The following SNAP91 variants were observed in gnomAD, a reference collection of about 807,000 sequenced individuals.
The protein encoded by SNAP91 is synaptosome associated protein 91.
In SNAP91, 27 loss-of-function variants were observed where a neutral mutation model predicts 100.3. That is an observed-to-expected ratio of 0.27 (90% CI 0.20 to 0.37). The LOEUF is 0.37. Ranked by LOEUF, SNAP91 falls within the 10% of genes least tolerant of loss-of-function variation. SNAP91 has a pLI of 1.00. For missense variants in SNAP91, 986 were observed against 1,123.7 expected (o/e 0.88, Z 1.75); for synonymous variants, 404 against 398.6 (o/e 1.01, Z -0.16).
At chr6:83,637,904 C>T (rs573782142) in intron 8 of SNAP91, among the ~76,000 whole-genome samples, 1 of 152,316 alleles carries the variant, frequency 6.6e-6, no homozygotes, top group African/African-American at 2.4e-5. Context: ...CTTCTGGCCC[C>T]TCGGGGTTAA....
At chr6:83,699,289 A>T (rs893802159) in intron 2 of SNAP91, among the ~76,000 whole-genome samples, 1 of 152,220 alleles carries the variant, frequency 6.6e-6, no homozygotes, top group Non-Finnish European at 1.5e-5. Context: ...GTTTTGTTTA[A>T]AATGGTAAAG....
chr6:83,612,326 G>A (rs2096179486), intron 11 of SNAP91, among the ~76,000 whole-genome samples: 1 of 152,050 alleles, frequency 6.6e-6, no homozygotes, highest in African/African-American at 2.4e-5. Context: ...CATACGGTGG[G>A]AAATGTCCTA....
chr6:83,675,991 A>T (rs2098878971), intron 2 of SNAP91, among the ~76,000 whole-genome samples: 1 of 151,982 alleles, frequency 6.6e-6, no homozygotes, highest in Non-Finnish European at 1.5e-5. Flanking sequence ...CTCTACAAAA[A>T]GTCCTAGCTG....
At chr6:83,589,015 T>C (rs182209457) in intron 22 of SNAP91, among the ~76,000 whole-genome samples, 1 of 152,314 alleles carries the variant, frequency 6.6e-6, no homozygotes, top group African/African-American at 2.4e-5. Flanking sequence ...GGCCAGAATA[T>C]TTGATTTTAT....
chr6:83,644,541 T>A (rs1477512763), intron 7 of SNAP91, among the ~76,000 whole-genome samples: 1 of 152,212 alleles, frequency 6.6e-6, no homozygotes, highest in Non-Finnish European at 1.5e-5. Context: ...TCAAATTTCA[T>A]GTTTGTGACA....
At chr6:83,612,691 T>C (rs1056293579) in intron 11 of SNAP91, among the ~76,000 whole-genome samples, 4 of 151,820 alleles carry the variant, frequency 2.6e-5, no homozygotes, top group Middle Eastern at 3.4e-3. Flanking sequence ...GCCTGGCCAA[T>C]ATGGCGAAAC....
At position 83,679,664 on chromosome 6, in the gene SNAP91, T is replaced by C. The variant is rs1034708562; in HGVS notation, c.131-14083A>G. On this transcript the variant is annotated intron_variant, in intron 2 of 29. Coordinates refer to ENST00000369694, the MANE Select transcript of SNAP91 (RefSeq NM_001242792.2). ...TGAAGTTCCTACTTCCACTATAGCT[T>C]GGGGTCGCGAGGAAAGATCTTTCTG... 2.6e-5 allele frequency among the ~76,000 whole-genome samples: 4 copies of C among 152,268 alleles called. No individual in the cohort carries two copies. In the East Asian group the frequency reaches 5.8e-4, roughly 22 times the overall value.
intron 9 of SNAP91, 131 bp from the exon 10 acceptor site, chr6:83,617,170 A>G: frequency 1.9e-6 from 1 of 518,012 alleles, no homozygotes; most frequent in Non-Finnish European, 3.3e-6. Context: ...ATTTAATTGC[A>G]GGTTCTTTTA....
rs753840587 is a variant in SNAP91, at chr6:83,656,798, A to G, written c.614T>C (p.Ile205Thr). ...ATCATTGTAGCAAGCAAAAAGTTTG[A>G]TAAGATCTTTGAAAAGAAGCATAAA... Reference protein sequence around the residue: ...AAFMLLFKDLIKLFACYNDGV... With the variant: ...AAFMLLFKDLTKLFACYNDGV... The change falls in exon 7 of 30, where the codon ATC (isoleucine) becomes ACC (threonine). Residue 205 changes from isoleucine to threonine, a missense_variant. Physicochemically the swap from Ile to Thr is moderately conservative, Grantham distance 89. This residue lies in a region of SNAP91 where 330 missense variants were observed against 447.5 expected (regional missense o/e 0.74). Transcript: ENST00000369694. 2 of 1,607,366 alleles carry G rather than the reference A, an allele frequency of 1.2e-6. No individual in the cohort carries two copies. The highest frequency in any genetic ancestry group is 1.1e-5 in the South Asian group (1 of 90,058).
intron 24 of SNAP91, among the ~76,000 whole-genome samples, chr6:83,576,745 CTG>C (rs1306384433): frequency 3.9e-5 from 6 of 152,216 alleles, no homozygotes; most frequent in African/African-American, 9.6e-5. Flanking sequence ...TAAATCTCAG[CTG>C]TGAGTACAAC....
At chr6:83,677,663 T>C (rs2098929537) in intron 2 of SNAP91, among the ~76,000 whole-genome samples, 1 of 152,216 alleles carries the variant, frequency 6.6e-6, no homozygotes, top group South Asian at 2.1e-4. Context: ...AGCATGTAAT[T>C]CAATTTCCTT....
intron 2 of SNAP91, among the ~76,000 whole-genome samples, chr6:83,683,050 G>A (rs1232093249): frequency 6.6e-6 from 1 of 151,924 alleles, no homozygotes; most frequent in African/African-American, 2.4e-5. Flanking sequence ...AAACCAATGG[G>A]CACTCTCCAG....
chr6:83,707,100 T>A (rs1486297437), intron 2 of SNAP91, among the ~76,000 whole-genome samples: 2 of 152,204 alleles, frequency 1.3e-5, no homozygotes, highest in East Asian at 3.8e-4. Context: ...GCTGGGGAAG[T>A]ACATCCATTT....
At chr6:83,586,647 T>C (rs2092696115) in intron 22 of SNAP91, among the ~76,000 whole-genome samples, 1 of 152,224 alleles carries the variant, frequency 6.6e-6, no homozygotes, top group Non-Finnish European at 1.5e-5. Flanking sequence ...AGCTTTACTC[T>C]TCACTGTATG....
rs753754098 is a variant in SNAP91 at position 83,659,102 on chromosome 6, A to T, written c.453-10T>A. 4.2e-6 allele frequency: 3 copies of T among 721,570 alleles called. No homozygotes were observed. The highest frequency in any genetic ancestry group is 1.4e-4 in the East Asian group (2 of 14,770). 44.7% of individuals were successfully genotyped at this position (721,570 alleles called of 1,614,324 possible). A position where few individuals can be genotyped will look rare whatever the true frequency, so the allele number is the denominator to read the frequency against. ...CATTACACCATCGGCCCTACAATTA[A>T]AAAAAAAAAAAAGGTACAATTTCAT... is the stretch of plus-strand genomic sequence containing the variant. On this transcript the variant is annotated splice_polypyrimidine_tract_variant and intron_variant, in intron 5 of 29. Coordinates refer to ENST00000369694, the MANE Select transcript of SNAP91 (RefSeq NM_001242792.2).
chr6:83,582,165 G>A lies in SNAP91; in HGVS notation c.2149+57C>T. ...CCTGATAGCATACTAACCTTAGGTAGTACTTTTTTTTATTACCAGGACACA... is the reference window on the plus strand; with the variant it reads ...CCTGATAGCATACTAACCTTAGGTAATACTTTTTTTTATTACCAGGACACA... On this transcript the variant is annotated intron_variant, in intron 23 of 29. Coordinates refer to ENST00000369694, the MANE Select transcript of SNAP91 (RefSeq NM_001242792.2). 1.9e-6 allele frequency: 3 copies of A among 1,587,552 alleles called. No homozygotes were observed. The Admixed American group carries it at 5.2e-5, about 27-fold the overall frequency.
At chr6:83,563,077 G>C (rs1445204772) in intron 26 of SNAP91, among the ~76,000 whole-genome samples, 1 of 152,182 alleles carries the variant, frequency 6.6e-6, no homozygotes, top group Non-Finnish European at 1.5e-5. Flanking sequence ...AGTTAGACAA[G>C]AGCCACAAGG....
At chr6:83,648,720 T>G (rs1466327560) in intron 7 of SNAP91, among the ~76,000 whole-genome samples, 6 of 151,610 alleles carry the variant, frequency 4.0e-5, no homozygotes, top group Admixed American at 1.3e-4. Context: ...ACTGATGACA[T>G]TGATAATTTT....
intron 7 of SNAP91, among the ~76,000 whole-genome samples, chr6:83,651,376 T>C (rs1685593823): frequency 6.6e-6 from 1 of 152,174 alleles, no homozygotes; most frequent in Admixed American, 6.5e-5. Flanking sequence ...AGTATATGCA[T>C]TTGATACTAC....
Sources: allele counts gnomAD v4.1 joint callset (sites outside exome capture counted in the v4.1 genomes callset), GRCh38; gene constraint gnomAD v4.1.1; regional missense constraint gnomAD v4.1.1; transcripts MANE v1.5; gene names NCBI Gene and HGNC (gene_info 2026-07-23, HGNC 2026-07-21).